The following SESTD1 variants were observed in gnomAD, a reference collection of about 807,000 sequenced individuals.
SESTD1 encodes the protein SEC14 and spectrin domain containing 1.
A neutral mutation model predicts 101.7 loss-of-function variants in SESTD1; 43 were observed. The observed-to-expected ratio is 0.42, with a 90% CI of 0.33 to 0.55. The LOEUF is 0.55. Among genes scored for constraint, SESTD1 ranks in the 20% least tolerant of loss-of-function variants. The pLI is 0.07. For missense variants in SESTD1, 647 were observed against 815.1 expected (o/e 0.79, Z 2.51); for synonymous variants, 283 against 286.8 (o/e 0.99, Z 0.13).
chr2:179,217,384 C>T (rs929118922), intron 1 of SESTD1, among the ~76,000 whole-genome samples: 12 of 152,228 alleles, frequency 7.9e-5, no homozygotes, highest in Admixed American at 1.3e-4. Context: ...AAAATATGCT[C>T]ATCATCACTG....
chr2:179,163,601 C>A lies in SESTD1; in HGVS notation c.369+8519G>T, dbSNP rs149088370. ...AGAAGGAAAAAAAAAAGATCACTAC[C>A]CTGCACAAGCATTTCAAACTTTTGC... On this transcript the variant is annotated intron_variant, in intron 5 of 17. Coordinates refer to ENST00000428443, the MANE Select transcript of SESTD1 (RefSeq NM_178123.5). 9.5e-3 allele frequency among the ~76,000 whole-genome samples: 1,428 copies of A among 150,552 alleles called. 13 individuals are homozygous for A. The highest frequency in any genetic ancestry group is 0.015 in the Non-Finnish European group (1,005 of 67,590).
At chr2:179,234,945 TAA>T (rs35629599) in intron 1 of SESTD1, among the ~76,000 whole-genome samples, 15 of 130,356 alleles carry the variant, frequency 1.2e-4, no homozygotes, top group Admixed American at 2.3e-4. Flanking sequence ...CTCATCTCTT[TAA>T]AAAAAAAAAA....
At chr2:179,139,660 G>C (rs1197304654) in intron 9 of SESTD1, among the ~76,000 whole-genome samples, 1 of 152,028 alleles carries the variant, frequency 6.6e-6, no homozygotes, top group African/African-American at 2.4e-5. Context: ...CAAAACTACT[G>C]TGCCAGTTGG....
chr2:179,110,849 A>G (rs922633536), intron 17 of SESTD1, among the ~76,000 whole-genome samples: 11 of 152,256 alleles, frequency 7.2e-5, no homozygotes, highest in South Asian at 2.1e-4. Flanking sequence ...AGAGATATAC[A>G]TAAGTTTTAA....
intron 1 of SESTD1, among the ~76,000 whole-genome samples, chr2:179,227,804 G>A (rs985512339): frequency 2.0e-5 from 3 of 152,152 alleles, no homozygotes; most frequent in African/African-American, 4.8e-5. Flanking sequence ...GCAGCAGGGT[G>A]TCATGATTAA....
At chr2:179,253,924 A>C (rs1197716398) in intron 1 of SESTD1, among the ~76,000 whole-genome samples, 1 of 151,588 alleles carries the variant, frequency 6.6e-6, no homozygotes, top group Non-Finnish European at 1.5e-5. Context: ...CATGGCATAA[A>C]CCCTGAGTCT....
rs1358946365 is a variant in SESTD1, at chr2:179,115,264, A to G, written c.1648-8T>C. 6.4e-7 allele frequency: 1 copy of G among 1,561,694 alleles called. No individual in the cohort carries two copies. The highest frequency in any genetic ancestry group is 8.6e-7 in the Non-Finnish European group (1 of 1,159,522). On this transcript the variant is annotated splice_region_variant and splice_polypyrimidine_tract_variant and intron_variant, in intron 15 of 17. Transcript: ENST00000428443. ...GCCATAGTCATAAGTGCTCTAAAAA[A>G]GAAAAGGAAACATAAAATTGTAATA...
chr2:179,133,653 GA>G (rs2045064721), intron 9 of SESTD1, among the ~76,000 whole-genome samples: 1 of 152,158 alleles, frequency 6.6e-6, no homozygotes. Context: ...AGTGAATGGG[GA>G]TATCTCTGCA....
rs898359946 is a variant in SESTD1, at chr2:179,203,740, A to C, written c.-25-11874T>G. Among the ~76,000 whole-genome samples the C allele has an allele frequency of 2.2e-5, 3 of 133,712 alleles. 1 individual carries two copies. Among genetic ancestry groups the C allele is most frequent in the African/African-American group, 8.9e-5 (3 of 33,624 alleles). The allele number at this position is 133,712 out of a possible 152,430, so 87.7% of individuals were successfully genotyped here. On this transcript the variant is annotated intron_variant, in intron 1 of 17. Transcript: ENST00000428443. The stretch of plus-strand genomic sequence containing the variant: ...GAAGTGTGGGTAACCTGCGGACCCA[A>C]TACTTGTGCCTGGCATCTAAAGAGA...
rs2044287239 is a variant in SESTD1, at chr2:179,102,177, G to C, written c.*7722C>G. ...TCTGACAACATGAGACGTAGAGAAA[G>C]CACTGAACTTCTGTGCCAAGCCTGT... is the stretch of plus-strand genomic sequence containing the variant. On this transcript the variant is annotated 3_prime_UTR_variant, in exon 18 of 18. Coordinates refer to ENST00000428443, the MANE Select transcript of SESTD1 (RefSeq NM_178123.5). 6.6e-6 allele frequency: 1 copy of C among 152,148 alleles called. No individual in the cohort carries two copies. Among genetic ancestry groups the C allele is most frequent in the African/African-American group, 2.4e-5 (1 of 41,436 alleles). The allele number at this position is 152,148 out of a possible 1,614,324, so 9.4% of individuals were successfully genotyped here. A position where few individuals can be genotyped will look rare whatever the true frequency, so the allele number is the denominator to read the frequency against.
At chr2:179,111,256 C>CGTAA (rs1559093947) in intron 17 of SESTD1, among the ~76,000 whole-genome samples, 1 of 152,138 alleles carries the variant, frequency 6.6e-6, no homozygotes, top group African/African-American at 2.4e-5. Flanking sequence ...CTTGAGATAA[C>CGTAA]GTAAGTATAG....
chr2:179,206,061 G>A lies in SESTD1; in HGVS notation c.-25-14195C>T, dbSNP rs773635383. Among the ~76,000 whole-genome samples the A allele has an allele frequency of 3.2e-4, 42 of 131,968 alleles. 13 individuals carry two copies. The highest frequency in any genetic ancestry group is 1.2e-3 in the African/African-American group (40 of 32,998). The allele number at this position is 131,968 out of a possible 152,430, so 86.6% of individuals were successfully genotyped here. On this transcript the variant is annotated intron_variant, in intron 1 of 17. Coordinates refer to ENST00000428443, the MANE Select transcript of SESTD1 (RefSeq NM_178123.5). ...ATAGATAATGTACAAAATAAACAAC[G>A]GAAAAATCTTGCAAAATACAACCAA...
At chr2:179,113,936 T>C (rs915554211) in intron 16 of SESTD1, among the ~76,000 whole-genome samples, 4 of 150,774 alleles carry the variant, frequency 2.7e-5, no homozygotes, top group South Asian at 2.1e-4. Flanking sequence ...AGTGAGGTGA[T>C]TGGGGGAGCA....
chr2:179,231,214 A>G (rs1276079859), intron 1 of SESTD1, among the ~76,000 whole-genome samples: 2 of 152,208 alleles, frequency 1.3e-5, no homozygotes, highest in East Asian at 3.8e-4. Flanking sequence ...AACTTCAGCA[A>G]AAGAACTGGT....
At position 179,105,390 on chromosome 2, in the gene SESTD1, C is replaced by T. The variant is rs188248230; in HGVS notation, c.*4509G>A. The stretch of plus-strand genomic sequence containing the variant: ...TCCATCTTGCTGTTCTATTATCTTC[C>T]TACAAAAATAGCTAATTTGTCAGAT... On this transcript the variant is annotated 3_prime_UTR_variant, in exon 18 of 18. Coordinates refer to ENST00000428443, the MANE Select transcript of SESTD1 (RefSeq NM_178123.5). The T allele has an allele frequency of 9.2e-5, 14 of 152,114 alleles. No homozygotes were observed. The highest frequency in any genetic ancestry group is 7.2e-4 in the Admixed American group (11 of 15,270). The allele number at this position is 152,114 out of a possible 1,614,324, so 9.4% of individuals were successfully genotyped here.
chr2:179,208,596 G>A (rs1334885479), intron 1 of SESTD1, among the ~76,000 whole-genome samples: 1 of 134,776 alleles, frequency 7.4e-6, no homozygotes, highest in African/African-American at 2.9e-5. Context: ...ATAATTATCA[G>A]CCAATAATTC....
intron 1 of SESTD1, among the ~76,000 whole-genome samples, chr2:179,220,452 G>A (rs1201432030): frequency 6.6e-6 from 1 of 152,180 alleles, no homozygotes; most frequent in Non-Finnish European, 1.5e-5. Context: ...GGAGGGTCAA[G>A]ATATTCCTGG....
chr2:179,226,442 G>C (rs1207452692), intron 1 of SESTD1, among the ~76,000 whole-genome samples: 1 of 152,142 alleles, frequency 6.6e-6, no homozygotes, highest in Non-Finnish European at 1.5e-5. Context: ...TTTTGTGACC[G>C]CAGTCGTTTT....
intron 10 of SESTD1, 82 bp from the exon 11 acceptor site, chr2:179,124,640 AC>A: frequency 1.7e-6 from 2 of 1,161,144 alleles, no homozygotes; most frequent in Non-Finnish European, 2.4e-6. Flanking sequence ...CTCCAGATAA[AC>A]TAAGTAATAC....
Sources: gnomAD v4.1 joint callset for allele counts (sites outside exome capture counted in the v4.1 genomes callset) on GRCh38, gnomAD v4.1.1 for gene constraint, MANE v1.5 for transcripts, NCBI Gene and HGNC (gene_info 2026-07-23, HGNC 2026-07-21) for gene names.